The following EML4 variants were observed in gnomAD, a reference collection of about 807,000 sequenced individuals.
EML4 encodes the protein EMAP like 4.
EML4 carries 72 observed loss-of-function variants against 129.0 expected under a neutral mutation model. That is an observed-to-expected ratio of 0.56 (90% confidence interval 0.46 to 0.68). The LOEUF (loss-of-function observed/expected upper bound fraction) is 0.68, where lower values mean the gene tolerates loss of function less well. Ranked by LOEUF, EML4 falls within the 30% of genes least tolerant of loss-of-function variation. EML4 has a pLI of 0.00. For missense variants in EML4, 1,363 were observed against 1,190.6 expected (o/e 1.14, Z -2.13); for synonymous variants, 532 against 405.0 (o/e 1.31, Z -3.77).
rs74816568 is a variant in EML4 at position 42,221,403 on chromosome 2, CTTTTTTT to C, written c.26-24084_26-24078del. Among the ~76,000 whole-genome samples, 34 of 108,262 alleles carry C rather than the reference CTTTTTTT, an allele frequency of 3.1e-4. 1 individual carries two copies. Among genetic ancestry groups the C allele is most frequent in the East Asian group, 3.1e-3 (9 of 2,918 alleles). The allele number at this position is 108,262 out of a possible 152,430, so 71.0% of individuals were successfully genotyped here. A position where few individuals can be genotyped will look rare whatever the true frequency, so the allele number is the denominator to read the frequency against. ...AGCACATTGTTTACAACATGGTTTA[CTTTTTTT>C]TTTTTTTTTTTTTTTTTGAGACAGG... On this transcript the variant is annotated intron_variant, in intron 1 of 22. Coordinates refer to ENST00000318522, the MANE Select transcript of EML4 (RefSeq NM_019063.5).
chr2:42,304,285 C>A (rs1668468786), intron 16 of EML4, among the ~76,000 whole-genome samples, 199 bp from the exon 17 acceptor site: 1 of 152,202 alleles, frequency 6.6e-6, no homozygotes, highest in African/African-American at 2.4e-5. Flanking sequence ...GTCCCTTTCC[C>A]TCACCACTCT....
At chr2:42,223,157 T>G (rs954485531) in intron 1 of EML4, among the ~76,000 whole-genome samples, 1 of 152,166 alleles carries the variant, frequency 6.6e-6, no homozygotes, top group Non-Finnish European at 1.5e-5. Context: ...ATAACATATT[T>G]CATTCACTTG....
At chr2:42,308,597 T>C (rs544329645) in intron 17 of EML4, among the ~76,000 whole-genome samples, 1 of 152,264 alleles carries the variant, frequency 6.6e-6, no homozygotes, top group African/African-American at 2.4e-5. Flanking sequence ...AAATAAAAAA[T>C]AATTCAAATA....
At chr2:42,300,416 G>C (rs1212293517) in intron 13 of EML4, among the ~76,000 whole-genome samples, 2 of 152,182 alleles carry the variant, frequency 1.3e-5, no homozygotes, top group Non-Finnish European at 2.9e-5. Flanking sequence ...AACCACATGT[G>C]TTTGCCTAAA....
chr2:42,329,853 T>A lies in EML4; in HGVS notation c.2592T>A (p.Leu864=). 2 of 1,614,146 alleles carry A rather than the reference T, an allele frequency of 1.2e-6. No homozygotes were observed. The highest frequency in any genetic ancestry group is 2.2e-5 in the South Asian group (2 of 91,072). Residue 864 remains leucine (L), a synonymous_variant, in exon 23 of 23, where the codon CTT becomes CTA. Coordinates refer to ENST00000318522, the MANE Select transcript of EML4 (RefSeq NM_019063.5). ...GKDMSIIQWK[L]VEKLSLPQNE... The stretch of plus-strand genomic sequence containing the variant: ...ACATGAGCATCATTCAGTGGAAACT[T>A]GTGGAAAAGTTATCTTTGCCTCAGA...
intron 2 of EML4, among the ~76,000 whole-genome samples, chr2:42,254,812 G>C (rs969095220): frequency 6.6e-6 from 1 of 152,064 alleles, no homozygotes; most frequent in African/African-American, 2.4e-5. Flanking sequence ...TTGAAAACAG[G>C]TGGTTATATG....
intron 1 of EML4, among the ~76,000 whole-genome samples, chr2:42,198,459 C>G (rs1672024884): frequency 6.6e-6 from 1 of 152,030 alleles, no homozygotes; most frequent in South Asian, 2.1e-4. Context: ...AATCCCAGCA[C>G]TTTGGGAGGC....
At chr2:42,326,857 G>C (rs1669836293) in intron 21 of EML4, among the ~76,000 whole-genome samples, 1 of 152,174 alleles carries the variant, frequency 6.6e-6, no homozygotes, top group Admixed American at 6.5e-5. Flanking sequence ...ACTCCAGCCT[G>C]GGTGACAGAG....
At chr2:42,201,730 G>A (rs1368182775) in intron 1 of EML4, among the ~76,000 whole-genome samples, 1 of 152,162 alleles carries the variant, frequency 6.6e-6, no homozygotes, top group East Asian at 1.9e-4. Flanking sequence ...GGCACACAGA[G>A]ACACATACCC....
intron 13 of EML4, among the ~76,000 whole-genome samples, chr2:42,297,124 C>T (rs1306911342): frequency 6.6e-6 from 1 of 152,152 alleles, no homozygotes; most frequent in Non-Finnish European, 1.5e-5. Flanking sequence ...TCAAAATTTA[C>T]ACACGAGAAG....
intron 4 of EML4, 96 bp from the exon 5 acceptor site, chr2:42,263,080 AGG>A: frequency 9.9e-7 from 1 of 1,010,734 alleles, no homozygotes; most frequent in Non-Finnish European, 1.5e-6. Flanking sequence ...ATTAGCTTTA[AGG>A]AAATGTTAAT....
intron 1 of EML4, among the ~76,000 whole-genome samples, chr2:42,222,294 CG>C (rs1673657105): frequency 6.6e-6 from 1 of 152,034 alleles, no homozygotes; most frequent in Non-Finnish European, 1.5e-5. Flanking sequence ...CTTTCCATAT[CG>C]GGTTGACAAA....
At chr2:42,193,517 G>C (rs1671720513) in intron 1 of EML4, among the ~76,000 whole-genome samples, 1 of 152,094 alleles carries the variant, frequency 6.6e-6, no homozygotes, top group Non-Finnish European at 1.5e-5. Context: ...TTATTTCTTA[G>C]GGCCAAACCC....
At chr2:42,224,268 C>T (rs1277724204) in intron 1 of EML4, among the ~76,000 whole-genome samples, 2 of 152,034 alleles carry the variant, frequency 1.3e-5, no homozygotes, top group Non-Finnish European at 1.5e-5. Flanking sequence ...TACAGGTTTG[C>T]CTGTTCAGGA....
intron 6 of EML4, among the ~76,000 whole-genome samples, chr2:42,275,362 C>G (rs1666599029): frequency 6.6e-6 from 1 of 152,188 alleles, no homozygotes; most frequent in Non-Finnish European, 1.5e-5. Flanking sequence ...TCATTTTAGA[C>G]AGAGCAGGTC....
intron 1 of EML4, among the ~76,000 whole-genome samples, chr2:42,193,799 C>T (rs953897529): frequency 6.6e-6 from 1 of 151,972 alleles, no homozygotes; most frequent in African/African-American, 2.4e-5. Context: ...AGTCTTCCTG[C>T]TTCAGACTCC....
chr2:42,177,482 G>C (rs1353993570), intron 1 of EML4, among the ~76,000 whole-genome samples: 2 of 151,962 alleles, frequency 1.3e-5, no homozygotes, highest in Non-Finnish European at 2.9e-5. Flanking sequence ...AATTAGCCAG[G>C]CATGGTGGTG....
intron 1 of EML4, among the ~76,000 whole-genome samples, chr2:42,233,407 A>G (rs1376155421): frequency 2.7e-5 from 4 of 150,122 alleles, no homozygotes; most frequent in Admixed American, 6.6e-5. Context: ...CCAGGTTCAC[A>G]CCATTCTCCT....
chr2:42,254,062 A>G (rs1410225481), intron 2 of EML4, among the ~76,000 whole-genome samples: 24 of 152,386 alleles, frequency 1.6e-4, no homozygotes, highest in Non-Finnish European at 1.8e-4. Context: ...CATATGCCTC[A>G]GTTATTAAGA....
Sources: allele counts gnomAD v4.1 joint callset (sites outside exome capture counted in the v4.1 genomes callset), GRCh38; gene constraint gnomAD v4.1.1; transcripts MANE v1.5; gene names NCBI Gene and HGNC (gene_info 2026-07-23, HGNC 2026-07-21).